Variants in SCAPER observed in about 807,000 individuals in gnomAD.
SCAPER encodes the protein S-phase cyclin A associated protein in the ER.
Under a neutral mutation model 182.2 loss-of-function variants are expected in SCAPER, and 98 were observed. The observed-to-expected ratio is 0.54, with a 90% CI of 0.46 to 0.64. The LOEUF is 0.64. Ranked by LOEUF, SCAPER falls within the 30% of genes least tolerant of loss-of-function variation. The pLI is 0.00. For synonymous variants in SCAPER, 605 were observed against 564.6 expected, an observed-to-expected ratio of 1.07 and a Z score of -1.01; for missense variants, 1,432 against 1,690.0, an observed-to-expected ratio of 0.85 and a Z score of 2.68.
intron 20 of SCAPER, among the ~76,000 whole-genome samples, chr15:76,694,347 G>A (rs2147168433): frequency 6.6e-6 from 1 of 152,162 alleles, no homozygotes; most frequent in Non-Finnish European, 1.5e-5. Context: ...ACTTTTTGAT[G>A]TGATTATGAA....
chr15:76,639,023 G>C (rs974836213), intron 21 of SCAPER, among the ~76,000 whole-genome samples: 9 of 152,130 alleles, frequency 5.9e-5, no homozygotes, highest in African/African-American at 2.2e-4. Context: ...AGTCTAAATA[G>C]AAAATGCCTG....
intron 17 of SCAPER, among the ~76,000 whole-genome samples, chr15:76,711,725 T>A (rs1037844322): frequency 3.9e-5 from 6 of 152,234 alleles, no homozygotes; most frequent in Non-Finnish European, 8.8e-5. Context: ...TTTGGCCGCA[T>A]AAATGTCTTC....
At position 76,666,839 on chromosome 15, in the gene SCAPER, T is replaced by C. The variant is rs192459022; in HGVS notation, c.2509-1050A>G. Among the ~76,000 whole-genome samples, 8 of 152,250 alleles carry C rather than the reference T, an allele frequency of 5.3e-5. No individual in the cohort carries two copies. In the East Asian group the frequency reaches 1.4e-3, roughly 26 times the overall value. ...AGCTAAATGTATCAAACAATGTGCA[T>C]ATGTGCCCGTACACTCTCTTCCCTC... On this transcript the variant is annotated intron_variant, in intron 20 of 31. Transcript: ENST00000563290.
At chr15:76,350,366 T>TG (rs2040456789) in intron 31 of SCAPER, 1 of 145,302 alleles carries the variant, frequency 6.9e-6, no homozygotes, top group East Asian at 2.0e-4. Context: ...GTAGAGGACT[T>TG]TGTGTGTGTG....
intron 21 of SCAPER, among the ~76,000 whole-genome samples, chr15:76,638,324 C>A (rs1597853359): frequency 6.6e-6 from 1 of 152,206 alleles, no homozygotes; most frequent in East Asian, 1.9e-4. Flanking sequence ...AATATTGACA[C>A]TTTTATTTTT....
At chr15:76,740,547 A>T (rs2061487122) in intron 15 of SCAPER, among the ~76,000 whole-genome samples, 1 of 137,868 alleles carries the variant, frequency 7.3e-6, no homozygotes, top group African/African-American at 2.7e-5. Flanking sequence ...CACAGAAATA[A>T]CTAAGATAAT....
At chr15:76,655,476 A>G (rs1216186413) in intron 21 of SCAPER, among the ~76,000 whole-genome samples, 1 of 152,252 alleles carries the variant, frequency 6.6e-6, no homozygotes, top group African/African-American at 2.4e-5. Flanking sequence ...ATATTTGAGG[A>G]CATCATCCAT....
chr15:76,821,466 C>T (rs751358977), intron 5 of SCAPER, among the ~76,000 whole-genome samples: 3 of 152,038 alleles, frequency 2.0e-5, no homozygotes, highest in Non-Finnish European at 4.4e-5. Context: ...AAAAAAAATA[C>T]AGAAAATTAG....
chr15:76,443,480 G>C (rs1312210566), intron 25 of SCAPER, among the ~76,000 whole-genome samples: 3 of 152,182 alleles, frequency 2.0e-5, no homozygotes, highest in African/African-American at 7.2e-5. Context: ...AATGGCCCAA[G>C]GAAATCAGCA....
At chr15:76,629,868 G>C (rs2052938268) in intron 21 of SCAPER, among the ~76,000 whole-genome samples, 1 of 152,168 alleles carries the variant, frequency 6.6e-6, no homozygotes, top group African/African-American at 2.4e-5. Flanking sequence ...GTAGAATTCA[G>C]CTATAAATCC....
At chr15:76,452,643 C>G (rs908669574) in intron 25 of SCAPER, among the ~76,000 whole-genome samples, 2 of 152,166 alleles carry the variant, frequency 1.3e-5, no homozygotes, top group African/African-American at 4.8e-5. Flanking sequence ...TATTTCAGCT[C>G]CAAGAAATAA....
At chr15:76,722,138 G>C (rs1470884122) in intron 17 of SCAPER, among the ~76,000 whole-genome samples, 1 of 152,174 alleles carries the variant, frequency 6.6e-6, no homozygotes, top group African/African-American at 2.4e-5. Context: ...TAGCATGAAG[G>C]GTTGTTGAAT....
rs375991391 is a variant in SCAPER at position 76,428,866 on chromosome 15, CTATATATATATATA to C, written c.3311+5198_3311+5211del. 1.0e-4 allele frequency among the ~76,000 whole-genome samples: 8 copies of C among 79,954 alleles called. 1 individual carries two copies. Among genetic ancestry groups the C allele is most frequent in the East Asian group, 1.0e-3 (2 of 1,912 alleles). The allele number at this position is 79,954 out of a possible 152,430, so 52.5% of individuals were successfully genotyped here. ...TAGGTATCCTGATCAGATCATTATA[CTATATATATATATA>C]TATATATATATATAAACATCAAAAT... On this transcript the variant is annotated intron_variant, in intron 26 of 31. Coordinates refer to ENST00000563290, the MANE Select transcript of SCAPER (RefSeq NM_020843.4).
At chr15:76,609,206 G>T (rs2050752449) in intron 22 of SCAPER, among the ~76,000 whole-genome samples, 1 of 152,038 alleles carries the variant, frequency 6.6e-6, no homozygotes, top group Admixed American at 6.6e-5. Flanking sequence ...AGAATATTGG[G>T]CTGGGCACAA....
chr15:76,576,761 A>T (rs2047853236), intron 22 of SCAPER: 1 of 152,212 alleles, frequency 6.6e-6, no homozygotes, highest in Non-Finnish European at 1.5e-5. Flanking sequence ...GCACAGTGGC[A>T]GTGAGACTTT....
chr15:76,528,282 T>G (rs1471676478), intron 23 of SCAPER, among the ~76,000 whole-genome samples: 1 of 152,220 alleles, frequency 6.6e-6, no homozygotes, highest in Non-Finnish European at 1.5e-5. Flanking sequence ...CTTCATTCTA[T>G]AGATTATCAT....
chr15:76,412,836 A>T (rs905866871), intron 26 of SCAPER, among the ~76,000 whole-genome samples: 3 of 152,086 alleles, frequency 2.0e-5, no homozygotes, highest in Non-Finnish European at 4.4e-5. Context: ...GGGAAAAATA[A>T]TGTTTTACCA....
At chr15:76,710,221 AAAAC>A (rs1242890966) in intron 17 of SCAPER, among the ~76,000 whole-genome samples, 146 of 152,302 alleles carry the variant, frequency 9.6e-4, no homozygotes, top group Non-Finnish European at 1.4e-3. Context: ...ATAAAGAAGT[AAAAC>A]AAACTTTATT....
chr15:76,807,145 C>T (rs2066221892), intron 5 of SCAPER, among the ~76,000 whole-genome samples: 1 of 152,138 alleles, frequency 6.6e-6, no homozygotes, highest in Non-Finnish European at 1.5e-5. Context: ...TGATCTTACC[C>T]AACGGGAAAG....
Sources: allele counts gnomAD v4.1 joint callset (sites outside exome capture counted in the v4.1 genomes callset), GRCh38; gene constraint gnomAD v4.1.1; transcripts MANE v1.5; gene names NCBI Gene and HGNC (gene_info 2026-07-23, HGNC 2026-07-21).